SI: variants seen among roughly 807,000 people sequenced by gnomAD.
The protein encoded by SI is sucrase-isomaltase, also known as sucrase-isomaltase, intestinal.
Under a neutral mutation model 253.3 loss-of-function variants are expected in SI, and 235 were observed. That is an observed-to-expected ratio of 0.93 (90% CI 0.83 to 1.03). The LOEUF is 1.03. Among genes scored for constraint, SI ranks in the 50% least tolerant of loss-of-function variants. The pLI is 0.00. For synonymous variants in SI, 819 were observed against 712.0 expected (o/e 1.15, Z -2.39); for missense variants, 2,442 against 2,211.1 (o/e 1.10, Z -2.09).
At chr3:165,004,605 C>G (rs2108150640) in intron 37 of SI, among the ~76,000 whole-genome samples, 1 of 152,054 alleles carries the variant, frequency 6.6e-6, no homozygotes, top group East Asian at 1.9e-4. Flanking sequence ...GAGTCCTATG[C>G]AGCTATAAAA....
At chr3:165,081,893 G>A (rs1576934921), upstream of SI, among the ~76,000 whole-genome samples, 2 of 151,982 alleles carry the variant, frequency 1.3e-5, no homozygotes, top group African/African-American at 2.4e-5. Flanking sequence ...AACAAATTCA[G>A]GGGCAAGACA....
the SI span, among the ~76,000 whole-genome samples, chr3:165,087,750 A>G: frequency 1.3e-5 from 2 of 152,166 alleles, no homozygotes; most frequent in Non-Finnish European, 2.9e-5. Flanking sequence ...ATTTATATTA[A>G]TTATCCAACT....
chr3:165,060,226 T>C (rs1382765748), intron 9 of SI, among the ~76,000 whole-genome samples, 199 bp from the exon 10 acceptor site: 1 of 152,032 alleles, frequency 6.6e-6, no homozygotes, highest in Non-Finnish European at 1.5e-5. Context: ...TTTTAACAAG[T>C]TCATGTCTTG....
At chr3:165,011,014 C>T (rs1718744947) in intron 34 of SI, among the ~76,000 whole-genome samples, 2 of 152,092 alleles carry the variant, frequency 1.3e-5, no homozygotes, top group South Asian at 2.1e-4. Context: ...TTCACAGTTA[C>T]CTAAACTTGT....
intron 6 of SI, among the ~76,000 whole-genome samples, chr3:165,065,761 A>T (rs932762093): frequency 6.6e-6 from 1 of 151,616 alleles, no homozygotes; most frequent in African/African-American, 2.4e-5. Flanking sequence ...TAGGGATCAC[A>T]AACTGGTAGG....
chr3:165,052,787 A>G (rs535802916), intron 13 of SI, among the ~76,000 whole-genome samples: 1 of 152,142 alleles, frequency 6.6e-6, no homozygotes, highest in Admixed American at 6.6e-5. Context: ...AAATATATAT[A>G]GCCCTATTTT....
chr3:165,012,862 A>C, intron 34 of SI, 118 bp downstream of exon 34: 1 of 771,332 alleles, frequency 1.3e-6, no homozygotes, highest in Non-Finnish European at 2.4e-6. Context: ...TGATATCGAT[A>C]ATTTAAAATG....
intron 25 of SI, among the ~76,000 whole-genome samples, chr3:165,025,836 G>GGA (rs1310296279): frequency 6.6e-6 from 1 of 151,270 alleles, no homozygotes; most frequent in African/African-American, 2.4e-5. Flanking sequence ...ACTGCTAAAA[G>GGA]GAGCTCTAAA....
At chr3:165,045,235 G>A (rs543545184) in intron 16 of SI, among the ~76,000 whole-genome samples, 24 of 151,888 alleles carry the variant, frequency 1.6e-4, no homozygotes, top group African/African-American at 5.1e-4. Context: ...TGTTTAAATT[G>A]GAATTCCACA....
chr3:164,982,164 A>G (rs746068340), intron 47 of SI, 79 bp downstream of exon 47: 2 of 1,028,112 alleles, frequency 1.9e-6, no homozygotes, highest in Non-Finnish European at 3.0e-6. Context: ...TATGTTTCTT[A>G]CAGATGAGGG....
intron 9 of SI, 151 bp downstream of exon 9, chr3:165,062,220 C>T (rs989812047): frequency 1.9e-5 from 11 of 570,552 alleles, no homozygotes; most frequent in Admixed American, 3.1e-5. Context: ...AAAAAAAAAA[C>T]ACCCAGCTGC....
chr3:164,982,590 T>A (rs1013463002), intron 46 of SI, among the ~76,000 whole-genome samples, 180 bp from the exon 47 acceptor site: 3 of 152,160 alleles, frequency 2.0e-5, no homozygotes, highest in African/African-American at 7.2e-5. Flanking sequence ...TCTTCCTTTT[T>A]TCCTATGTAT....
In SI at chr3:165,033,427, T is replaced by G. The variant is rs2108207041; in HGVS notation, c.2533A>C (p.Asn845His). ...GETKDTIQNG[N>H]YILYTFSVSN... is the part of the protein sequence containing the mutation. Reference sequence around the variant, plus strand: ...ACTGAAAATGTATATAATATGTAGTTGCCATTTTGTATTGTATCTGAAATG... The same window carrying G: ...ACTGAAAATGTATATAATATGTAGTGGCCATTTTGTATTGTATCTGAAATG... The change falls in exon 23 of 48, where the codon AAC becomes CAC. Residue 845 changes from asparagine (N) to histidine (H), a missense_variant. By Grantham distance (68) the Asn-to-His change is moderately conservative. Transcript: ENST00000264382. The G allele has an allele frequency of 1.3e-6, 2 of 1,550,450 alleles. No individual in the cohort carries two copies. The highest frequency in any genetic ancestry group is 1.7e-6 in the Non-Finnish European group (2 of 1,144,970).
intron 40 of SI, 98 bp from the exon 41 acceptor site, chr3:164,994,503 A>G: frequency 8.0e-7 from 1 of 1,252,546 alleles, no homozygotes; most frequent in Non-Finnish European, 1.2e-6. Context: ...AAGACATGAT[A>G]TTAATTGATT....
chr3:165,041,605 A>G (rs1712839373), intron 17 of SI, among the ~76,000 whole-genome samples: 1 of 152,198 alleles, frequency 6.6e-6, no homozygotes, highest in Middle Eastern at 3.4e-3. Flanking sequence ...ATTATCACAG[A>G]TAGGTTGCTG....
At chr3:164,988,053 C>CATAGGGCTACTTGT (rs926949444) in intron 44 of SI, among the ~76,000 whole-genome samples, 1 of 152,176 alleles carries the variant, frequency 6.6e-6, no homozygotes, top group African/African-American at 2.4e-5. Context: ...CATGTTCCTG[C>CATAGGGCTACTTGT]ATAGGGCTAC....
rs1182368202 is a variant in SI at position 165,047,098 on chromosome 3, C to A, written c.1716-86G>T. The A allele has an allele frequency of 2.7e-6, 3 of 1,098,250 alleles. No homozygotes were observed. In the South Asian group the frequency reaches 4.6e-5, roughly 17 times the overall value. The allele number at this position is 1,098,250 out of a possible 1,614,324, so 68.0% of individuals were successfully genotyped here. On this transcript the variant is annotated intron_variant, in intron 15 of 47. Coordinates refer to ENST00000264382, the MANE Select transcript of SI (RefSeq NM_001041.4). Reference sequence around the variant, plus strand: ...ATTCTAAAATTTCATAATTCCAAAGCCATGTGATATAGTTTGGCTGTGTCC... The same window carrying A: ...ATTCTAAAATTTCATAATTCCAAAGACATGTGATATAGTTTGGCTGTGTCC...
At chr3:164,983,370 A>G (rs1717288542) in intron 45 of SI, among the ~76,000 whole-genome samples, 1 of 152,146 alleles carries the variant, frequency 6.6e-6, no homozygotes, top group Admixed American at 6.6e-5. Flanking sequence ...TGCACAAGTA[A>G]TGCAAGAATA....
At chr3:165,073,011 A>G (rs1227114665) in intron 3 of SI, among the ~76,000 whole-genome samples, 1 of 152,122 alleles carries the variant, frequency 6.6e-6, no homozygotes, top group Non-Finnish European at 1.5e-5. Context: ...TTTATTTCAC[A>G]CTGAAAACAT....
Sources: allele counts gnomAD v4.1 joint callset (sites outside exome capture counted in the v4.1 genomes callset), GRCh38; gene constraint gnomAD v4.1.1; transcripts MANE v1.5; gene names NCBI Gene and HGNC (gene_info 2026-07-23, HGNC 2026-07-21).